The following TACC2 variants were observed in gnomAD, a reference collection of about 807,000 sequenced individuals.
TACC2 encodes transforming acidic coiled-coil-containing protein 2.
Under a neutral mutation model 227.3 loss-of-function variants are expected in TACC2, and 137 were observed. The observed-to-expected ratio is 0.60, with a 90% CI of 0.52 to 0.69. The LOEUF (loss-of-function observed/expected upper bound fraction) is 0.69. Ranked by LOEUF, TACC2 falls within the 30% of genes least tolerant of loss-of-function variation. The probability of loss-of-function intolerance (pLI) is 0.00; values close to 1 mark genes in which losing one functional copy is unlikely to be tolerated. For missense variants in TACC2, 3,470 were observed against 3,694.4 expected (o/e 0.94, Z 1.57); for synonymous variants, 1,523 against 1,487.5 (o/e 1.02, Z -0.55).
intron 16 of TACC2, among the ~76,000 whole-genome samples, chr10:122,236,209 T>G (rs921350826): frequency 3.3e-5 from 5 of 152,168 alleles, no homozygotes; most frequent in African/African-American, 1.2e-4. Context: ...CCCTTCCCAG[T>G]TAATGTTGGC....
At chr10:122,224,480 A>C (rs2095583890) in intron 11 of TACC2, among the ~76,000 whole-genome samples, 1 of 152,112 alleles carries the variant, frequency 6.6e-6, no homozygotes. Flanking sequence ...ATTCCTCAGG[A>C]CTTTCTCAGC....
chr10:122,036,256 A>T (rs1960308861), intron 2 of TACC2, among the ~76,000 whole-genome samples: 1 of 149,484 alleles, frequency 6.7e-6, no homozygotes, highest in South Asian at 2.1e-4. Context: ...GCAGTGGCGC[A>T]ATCTCGGCTC....
chr10:122,105,944 C>CTCTCTG (rs370608973), intron 5 of TACC2, among the ~76,000 whole-genome samples: 1 of 145,266 alleles, frequency 6.9e-6, no homozygotes, highest in South Asian at 2.2e-4. Context: ...TTTTCTCTCT[C>CTCTCTG]TGTGTGTGTG....
intron 7 of TACC2, among the ~76,000 whole-genome samples, chr10:122,176,117 C>CTCTCTCTA (rs1447382017): frequency 1.3e-3 from 72 of 54,644 alleles, no homozygotes; most frequent in Non-Finnish European, 1.8e-3. Flanking sequence ...CTCTCTCTCT[C>CTCTCTCTA]TATATATATA....
intron 1 of TACC2, chr10:122,019,769 C>T (rs1957112187): frequency 6.6e-6 from 1 of 152,268 alleles, no homozygotes; most frequent in Non-Finnish European, 1.5e-5. Context: ...TGAGGTGTGT[C>T]AGGGCCTCTG....
intron 3 of TACC2, among the ~76,000 whole-genome samples, chr10:122,062,049 T>C (rs1440082169): frequency 7.0e-6 from 1 of 142,386 alleles, no homozygotes; most frequent in South Asian, 2.4e-4. Flanking sequence ...TTTTTTTTTT[T>C]TGAGACGGAG....
intron 3 of TACC2, among the ~76,000 whole-genome samples, chr10:122,060,862 G>A (rs1001397197): frequency 1.3e-4 from 19 of 151,878 alleles, no homozygotes; most frequent in Admixed American, 3.3e-4. Flanking sequence ...GAAATTAGCC[G>A]GGCGTGGTGG....
At chr10:122,165,714 C>G (rs998084506) in intron 7 of TACC2, among the ~76,000 whole-genome samples, 10 of 152,202 alleles carry the variant, frequency 6.6e-5, no homozygotes, top group Admixed American at 6.5e-4. Flanking sequence ...GAACTGCTGC[C>G]TCTGAAATGT....
chr10:122,083,202 T>A lies in TACC2; in HGVS notation c.702T>A (p.Phe234Leu), dbSNP rs1283831210. Reference sequence around the variant, plus strand: ...AAGAGAAAGAGGCTGCAGGTGGCTTTCCCCCTGCAGAGTCCAGGCAGGGGG... The same window carrying A: ...AAGAGAAAGAGGCTGCAGGTGGCTTACCCCCTGCAGAGTCCAGGCAGGGGG... Reference protein sequence around the residue: ...ESQEKEAAGGFPPAESRQGVA... With the variant: ...ESQEKEAAGGLPPAESRQGVA... The change falls in exon 4 of 23, where the codon TTT (phenylalanine) becomes TTA (leucine). Residue 234 changes from phenylalanine to leucine, a missense_variant. Physicochemically the swap from Phe to Leu is conservative, Grantham distance 22 (BLOSUM62 0). This residue lies in a region of TACC2 where 405 missense variants were observed against 389.6 expected (regional missense o/e 1.04). Coordinates refer to ENST00000369005, the MANE Select transcript of TACC2 (RefSeq NM_206862.4). 3.7e-6 allele frequency: 6 copies of A among 1,613,086 alleles called. No individual in the cohort carries two copies. The Admixed American group carries it at 5.0e-5, about 13-fold the overall frequency.
chr10:122,142,411 C>G (rs2090733755), intron 6 of TACC2, among the ~76,000 whole-genome samples: 1 of 152,334 alleles, frequency 6.6e-6, no homozygotes, highest in South Asian at 2.1e-4. Flanking sequence ...GAAGTGCCTG[C>G]TGGACCTGCA....
At chr10:121,990,279 C>G (rs912266183) in intron 1 of TACC2, among the ~76,000 whole-genome samples, 1 of 151,834 alleles carries the variant, frequency 6.6e-6, no homozygotes, top group African/African-American at 2.4e-5. Flanking sequence ...CTAAATTCAG[C>G]TAATATTTTT....
chr10:122,075,930 G>C (rs2078746736), intron 3 of TACC2, among the ~76,000 whole-genome samples: 1 of 152,174 alleles, frequency 6.6e-6, no homozygotes, highest in Non-Finnish European at 1.5e-5. Flanking sequence ...CTCCCAAGTA[G>C]CTGGGATTAC....
At chr10:122,067,261 G>A (rs1253904559) in intron 3 of TACC2, among the ~76,000 whole-genome samples, 1 of 151,996 alleles carries the variant, frequency 6.6e-6, no homozygotes, top group African/African-American at 2.4e-5. Flanking sequence ...TGTATGTCTG[G>A]AAAAATCTTT....
intron 5 of TACC2, among the ~76,000 whole-genome samples, chr10:122,109,219 T>G (rs943962304): frequency 6.6e-6 from 1 of 151,924 alleles, no homozygotes; most frequent in Non-Finnish European, 1.5e-5. Flanking sequence ...CTTTAAGGAG[T>G]CTCTACACTG....
intron 19 of TACC2, 47 bp downstream of exon 19, chr10:122,242,048 G>T: frequency 6.4e-7 from 1 of 1,564,392 alleles, no homozygotes; most frequent in South Asian, 1.1e-5. Flanking sequence ...CGATGTTTCT[G>T]AACTATGAGG....
In TACC2 at chr10:121,989,412, T is replaced by A. The variant is rs899577667; in HGVS notation, c.-122T>A. 2.6e-5 allele frequency: 4 copies of A among 152,238 alleles called. No homozygotes were observed. Among genetic ancestry groups the A allele is most frequent in the African/African-American group, 4.8e-5 (2 of 41,464 alleles). 9.4% of individuals were successfully genotyped at this position (152,238 alleles called of 1,614,324 possible). A position where few individuals can be genotyped will look rare whatever the true frequency, so the allele number is the denominator to read the frequency against. On this transcript the variant is annotated 5_prime_UTR_variant, in exon 1 of 23. Transcript: ENST00000369005. ...TCTACCTTATGCCCCTTGGGCGAAT[T>A]TTTTCCTCTGAGGAGGGAAGAATAG...
chr10:122,109,454 C>G (rs1331644168), intron 5 of TACC2, among the ~76,000 whole-genome samples: 1 of 152,040 alleles, frequency 6.6e-6, no homozygotes, highest in Non-Finnish European at 1.5e-5. Context: ...TAACATTAAC[C>G]CGGTGAGTCT....
At chr10:122,105,936 T>TTCTC (rs371628393) in intron 5 of TACC2, among the ~76,000 whole-genome samples, 3 of 89,626 alleles carry the variant, frequency 3.3e-5, no homozygotes, top group Non-Finnish European at 5.4e-5. Context: ...CATAAACATT[T>TTCTC]TCTCTCTCTG....
chr10:122,233,476 G>A (rs947570601), intron 16 of TACC2, among the ~76,000 whole-genome samples: 1 of 152,244 alleles, frequency 6.6e-6, no homozygotes, highest in African/African-American at 2.4e-5. Context: ...GCACGGTTGA[G>A]TGGTGTGGCC....
Sources: gnomAD v4.1 joint callset for allele counts (sites outside exome capture counted in the v4.1 genomes callset) on GRCh38, gnomAD v4.1.1 for gene constraint, gnomAD v4.1.1 regional missense constraint, MANE v1.5 for transcripts, NCBI Gene and HGNC (gene_info 2026-07-23, HGNC 2026-07-21) for gene names.